Variants in CALCR observed in about 807,000 individuals in gnomAD.
CALCR encodes the protein calcitonin receptor.
In CALCR, 47 loss-of-function variants were observed where a neutral mutation model predicts 59.5. The observed-to-expected ratio is 0.79, with a 90% CI of 0.63 to 1.01. The LOEUF (loss-of-function observed/expected upper bound fraction) is 1.01. CALCR is among the 50% of genes least tolerant of loss of function. CALCR has a pLI of 0.00. For synonymous variants in CALCR, 213 were observed against 211.3 expected (o/e 1.01, Z -0.07); for missense variants, 566 against 597.1 (o/e 0.95, Z 0.54).
intron 2 of CALCR, among the ~76,000 whole-genome samples, chr7:93,513,158 C>A (rs1039847179): frequency 8.5e-5 from 13 of 152,090 alleles, no homozygotes; most frequent in African/African-American, 2.9e-4. Flanking sequence ...CCTCTCAGTG[C>A]ACTTCTAGCA....
At position 93,479,337 on chromosome 7, in the gene CALCR, T is replaced by C; in HGVS notation, c.205+17A>G. The C allele has an allele frequency of 1.2e-5, 19 of 1,598,524 alleles. No homozygotes were observed. Among genetic ancestry groups the C allele is most frequent in the Non-Finnish European group, 1.4e-5 (17 of 1,172,870 alleles). ...ATGGTGTTTCAAACATATGTTCATA[T>C]ATATCCTTCTCTTTACCTTCTCCTT... On this transcript the variant is annotated intron_variant, in intron 4 of 13. Coordinates refer to ENST00000426151, the MANE Select transcript of CALCR (RefSeq NM_001742.4).
intron 2 of CALCR, among the ~76,000 whole-genome samples, chr7:93,495,713 A>G (rs181357240): frequency 3.2e-4 from 48 of 151,356 alleles, no homozygotes; most frequent in African/African-American, 1.2e-3. Flanking sequence ...ACTTTTTTCA[A>G]ACAAAAACCT....
In CALCR at chr7:93,519,214, CTTGT is replaced by C. The variant is rs1231777000; in HGVS notation, c.-26-32211_-26-32208del. On this transcript the variant is annotated intron_variant, in intron 2 of 13. Coordinates refer to ENST00000426151, the MANE Select transcript of CALCR (RefSeq NM_001742.4). ...GTTGTGTGAATTTAAATTCTATAAACTTGTTTGTCATATATCTAGAATTCCTTAT... is the reference window on the plus strand; with the variant it reads ...GTTGTGTGAATTTAAATTCTATAAACTTGTCATATATCTAGAATTCCTTAT... 3.3e-5 allele frequency among the ~76,000 whole-genome samples: 5 copies of C among 151,904 alleles called. No individual in the cohort carries two copies. In the East Asian group the frequency reaches 9.6e-4, roughly 29 times the overall value.
At chr7:93,453,494 T>A (rs1800149507) in intron 8 of CALCR, among the ~76,000 whole-genome samples, 1 of 151,918 alleles carries the variant, frequency 6.6e-6, no homozygotes, top group Non-Finnish European at 1.5e-5. Context: ...CTTCACAACG[T>A]TCCAGCAATG....
At chr7:93,450,691 GTC>G (rs1039670985) in intron 8 of CALCR, among the ~76,000 whole-genome samples, 1 of 151,846 alleles carries the variant, frequency 6.6e-6, no homozygotes, top group African/African-American at 2.4e-5. Context: ...CCCTGTCTTG[GTC>G]TCTCTCCAGG....
At chr7:93,427,200 G>A (rs1370266841) in intron 13 of CALCR, among the ~76,000 whole-genome samples, 2 of 152,100 alleles carry the variant, frequency 1.3e-5, no homozygotes. Context: ...TTATAAATAC[G>A]ATAAATTATA....
At chr7:93,546,903 T>C (rs1473132246) in intron 2 of CALCR, among the ~76,000 whole-genome samples, 1 of 152,098 alleles carries the variant, frequency 6.6e-6, no homozygotes, top group Non-Finnish European at 1.5e-5. Flanking sequence ...GAGGAGAAAC[T>C]GGATGCAGAC....
chr7:93,442,655 C>T (rs1009757801), intron 9 of CALCR, among the ~76,000 whole-genome samples: 5 of 152,108 alleles, frequency 3.3e-5, no homozygotes, highest in African/African-American at 1.2e-4. Flanking sequence ...TGTAGGGGCT[C>T]CCCAGCCTGC....
chr7:93,521,889 T>C (rs1470995715), intron 2 of CALCR, among the ~76,000 whole-genome samples: 4 of 152,184 alleles, frequency 2.6e-5, no homozygotes, highest in African/African-American at 9.6e-5. Flanking sequence ...TGCTAACTTT[T>C]GTTATGTGGT....
intron 2 of CALCR, among the ~76,000 whole-genome samples, chr7:93,520,162 G>GA (rs1373040562): frequency 2.0e-5 from 3 of 151,838 alleles, no homozygotes; most frequent in African/African-American, 7.3e-5. Flanking sequence ...AATGGAATAT[G>GA]AAAAAAAGAT....
At chr7:93,558,212 A>G (rs868711685) in intron 2 of CALCR, among the ~76,000 whole-genome samples, 1 of 151,868 alleles carries the variant, frequency 6.6e-6, no homozygotes, top group African/African-American at 2.4e-5. Flanking sequence ...ACAAAAATAT[A>G]AATATCCTTC....
chr7:93,439,629 C>T (rs184935978), intron 9 of CALCR, among the ~76,000 whole-genome samples: 38 of 151,802 alleles, frequency 2.5e-4, no homozygotes, highest in African/African-American at 9.2e-4. Flanking sequence ...TTTCTCTCTC[C>T]CCAAGGTCCC....
chr7:93,447,775 A>G (rs373143600), intron 8 of CALCR, among the ~76,000 whole-genome samples: 3 of 151,958 alleles, frequency 2.0e-5, no homozygotes, highest in African/African-American at 4.8e-5. Context: ...AATGCCTGAC[A>G]TGCCATACGG....
intron 8 of CALCR, among the ~76,000 whole-genome samples, chr7:93,445,043 G>C (rs1409886236): frequency 6.6e-6 from 1 of 152,040 alleles, no homozygotes; most frequent in African/African-American, 2.4e-5. Context: ...ATTGAACATA[G>C]GGAAAAGCCC....
At chr7:93,467,643 A>G (rs369855935) in intron 7 of CALCR, among the ~76,000 whole-genome samples, 1 of 151,600 alleles carries the variant, frequency 6.6e-6, no homozygotes, top group East Asian at 1.9e-4. Flanking sequence ...GTAGTGATAA[A>G]TGCATATATA....
chr7:93,562,850 T>C (rs1023761172), intron 2 of CALCR, among the ~76,000 whole-genome samples: 1 of 152,202 alleles, frequency 6.6e-6, no homozygotes, highest in Non-Finnish European at 1.5e-5. Flanking sequence ...CAATATTCTT[T>C]CTTTTATTAT....
At chr7:93,523,975 T>C (rs1801820219) in intron 2 of CALCR, among the ~76,000 whole-genome samples, 2 of 151,988 alleles carry the variant, frequency 1.3e-5, no homozygotes, top group African/African-American at 4.8e-5. Flanking sequence ...ACAGATAATG[T>C]ATTTATAACT....
At position 93,516,654 on chromosome 7, in the gene CALCR, A is replaced by C. The variant is rs140381711; in HGVS notation, c.-26-29647T>G. Among the ~76,000 whole-genome samples the C allele has an allele frequency of 3.2e-4, 49 of 152,000 alleles. No individual in the cohort carries two copies. The East Asian group carries it at 9.3e-3, about 29-fold the overall frequency. On this transcript the variant is annotated intron_variant, in intron 2 of 13. Coordinates refer to ENST00000426151, the MANE Select transcript of CALCR (RefSeq NM_001742.4). ...TCAAAGAATAAATACATGCATGTCAAAGAGAGTCGAGAAGTATGTTACATG... is the reference window on the plus strand; with the variant it reads ...TCAAAGAATAAATACATGCATGTCACAGAGAGTCGAGAAGTATGTTACATG...
At chr7:93,472,544 A>G in intron 5 of CALCR, 57 bp from the exon 6 acceptor site, 2 of 1,025,116 alleles carry the variant, frequency 2.0e-6, no homozygotes, top group Non-Finnish European at 1.5e-6. Flanking sequence ...AACAAGGAAA[A>G]ATAATAAATT....
Sources: allele counts gnomAD v4.1 joint callset (sites outside exome capture counted in the v4.1 genomes callset), GRCh38; gene constraint gnomAD v4.1.1; transcripts MANE v1.5; gene names NCBI Gene and HGNC (gene_info 2026-07-23, HGNC 2026-07-21).